Variants in ADCY9 observed in about 807,000 individuals in gnomAD.
ADCY9 encodes adenylate cyclase 9.
Under a neutral mutation model 101.5 loss-of-function variants are expected in ADCY9, and 50 were observed. The observed-to-expected ratio is 0.49, with a 90% CI of 0.39 to 0.62. The LOEUF is 0.62. ADCY9 is among the 20% of genes least tolerant of loss of function. The pLI is 0.00. For missense variants in ADCY9, 1,662 were observed against 1,800.4 expected, an observed-to-expected ratio of 0.92 and a Z score of 1.39; for synonymous variants, 905 against 769.3, an observed-to-expected ratio of 1.18 and a Z score of -2.92.
At chr16:3,985,113 C>CT (rs999925538) in intron 6 of ADCY9, among the ~76,000 whole-genome samples, 209 of 145,362 alleles carry the variant, frequency 1.4e-3, no homozygotes, top group African/African-American at 4.6e-3. Flanking sequence ...GTGGGAATTT[C>CT]TTTTTTTTCA....
intron 2 of ADCY9, among the ~76,000 whole-genome samples, chr16:4,045,896 G>C (rs2056660526): frequency 8.9e-6 from 1 of 112,670 alleles, no homozygotes; most frequent in Non-Finnish European, 1.7e-5. Context: ...TTTTTGTAGA[G>C]ATGAGGTTTC....
chr16:4,088,418 A>G (rs2056953231), intron 2 of ADCY9, among the ~76,000 whole-genome samples: 1 of 151,960 alleles, frequency 6.6e-6, no homozygotes, highest in African/African-American at 2.4e-5. Context: ...CAGCCTCCAG[A>G]GTAGTTGGGA....
At chr16:4,025,375 C>CAAA (rs367980802) in intron 2 of ADCY9, among the ~76,000 whole-genome samples, 4,791 of 130,226 alleles carry the variant, frequency 0.037, 141 homozygotes, top group Non-Finnish European at 0.05. Flanking sequence ...ACTCTGTCTC[C>CAAA]AAAAAAAAAA....
At chr16:4,071,014 T>C (rs2056830247) in intron 2 of ADCY9, among the ~76,000 whole-genome samples, 1 of 150,570 alleles carries the variant, frequency 6.6e-6, no homozygotes, top group Non-Finnish European at 1.5e-5. Flanking sequence ...TCTTGACCCA[T>C]CAAAGAGGCG....
chr16:4,061,120 A>G (rs2056771214), intron 2 of ADCY9, among the ~76,000 whole-genome samples: 1 of 152,136 alleles, frequency 6.6e-6, no homozygotes, highest in Non-Finnish European at 1.5e-5. Context: ...CAGAGTTGAC[A>G]TGGGAGAAGA....
intron 7 of ADCY9, among the ~76,000 whole-genome samples, chr16:3,980,865 C>G (rs753725302): frequency 6.6e-6 from 1 of 152,196 alleles, no homozygotes; most frequent in Non-Finnish European, 1.5e-5. Context: ...ATGCTGGTCC[C>G]TGAGACTGCA....
At chr16:4,079,605 C>T (rs185173819) in intron 2 of ADCY9, among the ~76,000 whole-genome samples, 3 of 152,088 alleles carry the variant, frequency 2.0e-5, no homozygotes, top group Admixed American at 1.3e-4. Context: ...CAAAGATGTA[C>T]ATACAGATTT....
At chr16:4,100,352 TG>T (rs2057034498) in intron 2 of ADCY9, among the ~76,000 whole-genome samples, 1 of 152,052 alleles carries the variant, frequency 6.6e-6, no homozygotes, top group African/African-American at 2.4e-5. Context: ...GTTTCTGAGA[TG>T]GGGTCTCACT....
At chr16:4,101,377 T>C (rs2141200034) in intron 2 of ADCY9, among the ~76,000 whole-genome samples, 1 of 150,492 alleles carries the variant, frequency 6.6e-6, no homozygotes, top group Non-Finnish European at 1.5e-5. Flanking sequence ...CCACCTGGGC[T>C]CAAACGATCC....
chr16:4,008,172 G>A (rs1427871581), intron 2 of ADCY9, among the ~76,000 whole-genome samples: 1 of 150,628 alleles, frequency 6.6e-6, no homozygotes, highest in African/African-American at 2.4e-5. Context: ...AGGTCCACAT[G>A]CATTTTATTG....
chr16:3,970,957 T>C (rs887501807), intron 10 of ADCY9, among the ~76,000 whole-genome samples: 5 of 152,196 alleles, frequency 3.3e-5, no homozygotes, highest in Admixed American at 2.0e-4. Context: ...TGGAAAGACC[T>C]GCCTGCAAAG....
chr16:4,079,749 A>C (rs2056890233), intron 2 of ADCY9, among the ~76,000 whole-genome samples: 1 of 152,006 alleles, frequency 6.6e-6, no homozygotes, highest in Admixed American at 6.6e-5. Flanking sequence ...ATATGCATTG[A>C]TATATATTTG....
chr16:3,986,747 C>T lies in ADCY9; in HGVS notation c.2310+2247G>A, dbSNP rs145368091. Among the ~76,000 whole-genome samples, 709 of 152,274 alleles carry T rather than the reference C, an allele frequency of 4.7e-3. 3 individuals are homozygous for T. The highest frequency in any genetic ancestry group is 0.016 in the African/African-American group (675 of 41,558). ...TGCTGGGATTACAGGCATGAGCCACCGCGCCCGGCCATGTTTTTCTTCTTT... is the reference window on the plus strand; with the variant it reads ...TGCTGGGATTACAGGCATGAGCCACTGCGCCCGGCCATGTTTTTCTTCTTT... On this transcript the variant is annotated intron_variant, in intron 6 of 10. Transcript: ENST00000294016.
chr16:4,075,177 A>C (rs1183277358), intron 2 of ADCY9, among the ~76,000 whole-genome samples: 2 of 151,466 alleles, frequency 1.3e-5, no homozygotes, highest in Non-Finnish European at 3.0e-5. Flanking sequence ...ACCTGTTACT[A>C]TATATATATG....
intron 3 of ADCY9, among the ~76,000 whole-genome samples, chr16:4,004,457 C>T (rs1160881603): frequency 1.3e-5 from 2 of 152,148 alleles, no homozygotes; most frequent in Admixed American, 6.5e-5. Context: ...GACACACATG[C>T]TAAGGGCAGG....
chr16:4,015,974 A>AAAAAAAG (rs2056435977), intron 2 of ADCY9, among the ~76,000 whole-genome samples: 1 of 150,142 alleles, frequency 6.7e-6, no homozygotes. Context: ...TCTCAAAAAA[A>AAAAAAAG]TAAAAGAAAA....
At chr16:4,047,116 T>C (rs1228274534) in intron 2 of ADCY9, among the ~76,000 whole-genome samples, 1 of 152,168 alleles carries the variant, frequency 6.6e-6, no homozygotes, top group Non-Finnish European at 1.5e-5. Flanking sequence ...AATTTCTTCG[T>C]TTTTTAAAAA....
chr16:4,104,859 C>T (rs1199621957), intron 2 of ADCY9, among the ~76,000 whole-genome samples: 2 of 151,916 alleles, frequency 1.3e-5, no homozygotes, highest in Non-Finnish European at 2.9e-5. Context: ...AAAACCTCAG[C>T]CGTGGGTCGG....
intron 2 of ADCY9, among the ~76,000 whole-genome samples, chr16:4,041,960 G>C (rs933399607): frequency 3.3e-5 from 4 of 119,742 alleles, no homozygotes; most frequent in Non-Finnish European, 4.8e-5. Flanking sequence ...GTCTTGCTCT[G>C]TCGCCCAGGC....
Sources: allele counts gnomAD v4.1 joint callset (sites outside exome capture counted in the v4.1 genomes callset), GRCh38; gene constraint gnomAD v4.1.1; transcripts MANE v1.5; gene names NCBI Gene and HGNC (gene_info 2026-07-23, HGNC 2026-07-21).